Variants in NTM observed in about 807,000 individuals in gnomAD.
The protein encoded by NTM is IgLON family member 2.
A neutral mutation model predicts 42.1 loss-of-function variants in NTM; 13 were observed. That is an observed-to-expected ratio of 0.31 (90% confidence interval 0.20 to 0.49). The LOEUF (loss-of-function observed/expected upper bound fraction) is 0.49. Ranked by LOEUF, NTM falls within the 20% of genes least tolerant of loss-of-function variation. The pLI, the probability that NTM is intolerant of heterozygous loss-of-function variation, is 0.99. For missense variants in NTM, 373 were observed against 452.8 expected, an observed-to-expected ratio of 0.82 and a Z score of 1.60; for synonymous variants, 187 against 179.2, an observed-to-expected ratio of 1.04 and a Z score of -0.35.
intron 2 of NTM, among the ~76,000 whole-genome samples, chr11:132,025,511 C>G (rs1239819789): frequency 3.9e-5 from 6 of 152,166 alleles, no homozygotes; most frequent in Non-Finnish European, 8.8e-5. Flanking sequence ...ATTTCTGACC[C>G]ATTGTACGAG....
chr11:132,232,388 A>AC (rs2139056542), intron 4 of NTM, among the ~76,000 whole-genome samples: 1 of 152,334 alleles, frequency 6.6e-6, no homozygotes, highest in South Asian at 2.1e-4. Context: ...ACCCGGGCAC[A>AC]CTGCTGGGAC....
intron 3 of NTM, among the ~76,000 whole-genome samples, chr11:132,161,615 C>T (rs1014803689): frequency 6.6e-6 from 1 of 152,000 alleles, no homozygotes; most frequent in Non-Finnish European, 1.5e-5. Flanking sequence ...TTCCCACAGT[C>T]TTCCTCCCCC....
At chr11:132,308,283 C>A (rs1364208446) in intron 5 of NTM, among the ~76,000 whole-genome samples, 1 of 152,068 alleles carries the variant, frequency 6.6e-6, no homozygotes, top group Non-Finnish European at 1.5e-5. Flanking sequence ...TATTATATCT[C>A]ATTATTTTAC....
intron 1 of NTM, among the ~76,000 whole-genome samples, chr11:131,838,247 C>G (rs1161550980): frequency 6.6e-6 from 1 of 152,098 alleles, no homozygotes; most frequent in Non-Finnish European, 1.5e-5. Flanking sequence ...TCCCGGAAGT[C>G]GGGCTCTGTC....
intron 8 of NTM, among the ~76,000 whole-genome samples, chr11:132,334,308 C>T (rs1388501848): frequency 6.6e-6 from 1 of 152,248 alleles, no homozygotes; most frequent in African/African-American, 2.4e-5. Flanking sequence ...GGGGCAGGTT[C>T]TGCATCCCAG....
chr11:131,944,003 G>A (rs74328878), intron 2 of NTM, among the ~76,000 whole-genome samples: 5,101 of 151,972 alleles, frequency 0.034, 127 homozygotes, highest in Middle Eastern at 0.1. Flanking sequence ...ATATTTGGGC[G>A]TTATTTGTAT....
chr11:132,063,727 A>G (rs1456362351), intron 2 of NTM, among the ~76,000 whole-genome samples: 1 of 152,236 alleles, frequency 6.6e-6, no homozygotes, highest in African/African-American at 2.4e-5. Context: ...GCTCAAGAGC[A>G]GTAAGGAATG....
intron 1 of NTM, among the ~76,000 whole-genome samples, chr11:131,748,269 G>GAC (rs1380530957): frequency 6.6e-6 from 1 of 152,198 alleles, no homozygotes; most frequent in Admixed American, 6.5e-5. Flanking sequence ...CATGACGGTG[G>GAC]ACACACACTT....
At chr11:132,067,931 A>G (rs967998591) in intron 2 of NTM, among the ~76,000 whole-genome samples, 3 of 152,208 alleles carry the variant, frequency 2.0e-5, no homozygotes, top group Non-Finnish European at 2.9e-5. Context: ...TAAGCTGGAC[A>G]TGTTTCTACT....
intron 1 of NTM, among the ~76,000 whole-genome samples, chr11:131,609,713 A>T (rs968917728): frequency 2.6e-5 from 4 of 152,230 alleles, no homozygotes; most frequent in Non-Finnish European, 4.4e-5. Flanking sequence ...AGAATGTGTA[A>T]ATAACTACTC....
At chr11:131,734,655 T>C (rs1441583704) in intron 1 of NTM, among the ~76,000 whole-genome samples, 1 of 152,116 alleles carries the variant, frequency 6.6e-6, no homozygotes, top group Non-Finnish European at 1.5e-5. Flanking sequence ...AGCTACACTA[T>C]CAATACCCCA....
chr11:132,333,677 G>C (rs970637169), intron 8 of NTM, among the ~76,000 whole-genome samples: 7 of 152,082 alleles, frequency 4.6e-5, no homozygotes, highest in Non-Finnish European at 1.0e-4. Context: ...ATGGGGATCT[G>C]CACCTCTGAG....
At chr11:132,210,154 A>G (rs2082613840) in intron 3 of NTM, among the ~76,000 whole-genome samples, 2 of 152,204 alleles carry the variant, frequency 1.3e-5, no homozygotes, top group Non-Finnish European at 2.9e-5. Flanking sequence ...GCCCGATCAC[A>G]TTGTAAGCCA....
chr11:131,695,492 A>G (rs1422376996), intron 1 of NTM, among the ~76,000 whole-genome samples: 1 of 152,212 alleles, frequency 6.6e-6, no homozygotes, highest in East Asian at 1.9e-4. Flanking sequence ...AATTCAGAGA[A>G]GTTACATGAT....
chr11:131,772,828 A>G (rs773661214), intron 1 of NTM, among the ~76,000 whole-genome samples: 1 of 152,230 alleles, frequency 6.6e-6, no homozygotes, highest in Non-Finnish European at 1.5e-5. Context: ...ACCAAATGCA[A>G]GAGGATGAGA....
chr11:132,194,941 A>G (rs181288751), intron 3 of NTM, among the ~76,000 whole-genome samples: 640 of 150,714 alleles, frequency 4.2e-3, no homozygotes, highest in African/African-American at 0.013. Flanking sequence ...TTGTACCTCA[A>G]CCTCTTGAGT....
chr11:131,629,184 G>C (rs2063414622), intron 1 of NTM, among the ~76,000 whole-genome samples: 1 of 152,196 alleles, frequency 6.6e-6, no homozygotes, highest in Admixed American at 6.5e-5. Flanking sequence ...TCTTCCCAGG[G>C]ACTTAATAAT....
chr11:131,650,352 G>C (rs1206121290), intron 1 of NTM, among the ~76,000 whole-genome samples: 1 of 152,084 alleles, frequency 6.6e-6, no homozygotes, highest in Non-Finnish European at 1.5e-5. Flanking sequence ...TGTGGCGAGG[G>C]GCCATTGCTT....
intron 2 of NTM, among the ~76,000 whole-genome samples, chr11:132,076,000 A>AT (rs1431305129): frequency 2.0e-4 from 30 of 151,942 alleles, no homozygotes; most frequent in African/African-American, 6.3e-4. Flanking sequence ...TTCATCATTT[A>AT]TTTTTTTTAA....
Sources: gnomAD v4.1 joint callset for allele counts (sites outside exome capture counted in the v4.1 genomes callset) on GRCh38, gnomAD v4.1.1 for gene constraint, MANE v1.5 for transcripts, NCBI Gene and HGNC (gene_info 2026-07-23, HGNC 2026-07-21) for gene names.